EIF4E3: variants seen among roughly 807,000 people sequenced by gnomAD.
EIF4E3 encodes the protein eukaryotic translation initiation factor 4E family member 3, also known as eukaryotic translation initiation factor 4E type 3.
Under a neutral mutation model 31.7 loss-of-function variants are expected in EIF4E3, and 26 were observed. The observed-to-expected ratio is 0.82, with a 90% confidence interval of 0.60 to 1.14. The LOEUF is 1.14. Ranked by LOEUF, EIF4E3 falls within the 50% of genes most tolerant of loss-of-function variation. EIF4E3 has a pLI of 0.00. For synonymous variants in EIF4E3, 128 were observed against 107.7 expected, an observed-to-expected ratio of 1.19 and a Z score of -1.17; for missense variants, 304 against 270.9, an observed-to-expected ratio of 1.12 and a Z score of -0.86.
rs144748501 is a variant in EIF4E3 at position 71,682,692 on chromosome 3, T to C, written c.*1990A>G. ...AAATCTACTTTGTGTGCTAGTCATG[T>C]TCCATGATCATAAACAGAAACTAGA... On this transcript the variant is annotated 3_prime_UTR_variant, in exon 7 of 7. Coordinates refer to ENST00000425534, the MANE Select transcript of EIF4E3 (RefSeq NM_001134651.2). 3.6e-4 allele frequency: 55 copies of C among 152,790 alleles called. No individual in the cohort carries two copies. Among genetic ancestry groups the C allele is most frequent in the African/African-American group, 1.3e-3 (52 of 41,576 alleles). The allele number at this position is 152,790 out of a possible 1,614,324, so 9.5% of individuals were successfully genotyped here.
At chr3:71,726,039 G>C (rs1019344229), upstream of EIF4E3, among the ~76,000 whole-genome samples, 1 of 152,160 alleles carries the variant, frequency 6.6e-6, no homozygotes, top group African/African-American at 2.4e-5. Context: ...GAACGAACAA[G>C]AGAACCACCG....
In EIF4E3 at chr3:71,725,162, C is replaced by T; in HGVS notation, c.176+30G>A. On this transcript the variant is annotated intron_variant, in intron 1 of 6. Transcript: ENST00000425534. The surrounding 1 kb of genome is among the most constrained non-coding windows in gnomAD (Gnocchi z 6.1). ...GGTGGCGGCAGGACCCGGGTCGGGG[C>T]CGTGCGCGGCGGGCCCCGCGCCCCC... 1 of 1,068,644 alleles carries T rather than the reference C, an allele frequency of 9.4e-7. No individual in the cohort carries two copies. Among genetic ancestry groups the T allele is most frequent in the Non-Finnish European group, 1.1e-6 (1 of 886,406 alleles). 66.2% of individuals were successfully genotyped at this position (1,068,644 alleles called of 1,614,324 possible). A position where few individuals can be genotyped will look rare whatever the true frequency, so the allele number is the denominator to read the frequency against.
At chr3:71,690,672 T>C (rs772613587) in intron 5 of EIF4E3, among the ~76,000 whole-genome samples, 5 of 152,228 alleles carry the variant, frequency 3.3e-5, no homozygotes, top group African/African-American at 7.2e-5. Context: ...TGGAGCCAGA[T>C]TGTGCATTCT....
At chr3:71,687,282 G>A (rs1040088667) in intron 6 of EIF4E3, among the ~76,000 whole-genome samples, 7 of 152,238 alleles carry the variant, frequency 4.6e-5, no homozygotes, top group African/African-American at 4.8e-5. Context: ...GATTACAGGC[G>A]TGAGCCACCA....
Position 71,731,437 on chromosome 3 carries a change from C to T in EIF4E3, c.-290-2814G>A, listed in dbSNP as rs960287340. 2.7e-4 allele frequency among the ~76,000 whole-genome samples: 41 copies of T among 152,164 alleles called. 1 individual carries two copies. The highest frequency in any genetic ancestry group is 2.9e-5 in the Non-Finnish European group (2 of 68,034). On this transcript the variant is annotated intron_variant, in intron 1 of 7. Transcript: ENST00000295612. Reference sequence around the variant, plus strand: ...AGGCCTCCACTCTAAAGCAGGTCTTCTCCCCTTCCTCATTATTTTTTTCAG... The same window carrying T: ...AGGCCTCCACTCTAAAGCAGGTCTTTTCCCCTTCCTCATTATTTTTTTCAG...
intron 1 of EIF4E3, among the ~76,000 whole-genome samples, chr3:71,751,401 CAT>C (rs1474088049): frequency 5.3e-5 from 8 of 152,202 alleles, no homozygotes; most frequent in Non-Finnish European, 7.3e-5. Context: ...TTAAATAACA[CAT>C]GTCGAGAATT....
In EIF4E3 at chr3:71,688,230, A is replaced by G. The variant is rs148682704; in HGVS notation, c.628+1780T>C. 4.0e-3 allele frequency among the ~76,000 whole-genome samples: 605 copies of G among 152,304 alleles called. 4 individuals are homozygous for G. The highest frequency in any genetic ancestry group is 0.014 in the African/African-American group (586 of 41,558). On this transcript the variant is annotated intron_variant, in intron 6 of 6. Transcript: ENST00000425534. ...CTTTTTTCTTTCCCAGAGCCATCAC[A>G]ACAGCTAAGCAGTGAATCATCCTGC...
upstream of EIF4E3, chr3:71,754,194 C>T (rs2108174319): frequency 1.4e-6 from 2 of 1,420,142 alleles, no homozygotes; most frequent in East Asian, 3.1e-5. The surrounding 1 kb of genome is among the most constrained non-coding windows in gnomAD (Gnocchi z 5.8). Context: ...GGAGCGCAGC[C>T]TGCACCGCGC....
intron 2 of EIF4E3, among the ~76,000 whole-genome samples, chr3:71,707,713 T>C (rs1192724723): frequency 6.6e-6 from 1 of 152,078 alleles, no homozygotes; most frequent in Admixed American, 6.6e-5. Context: ...TGGACATCTA[T>C]GCTTTGTACG....
rs2048900492 is a variant in EIF4E3, at chr3:71,679,636, T to C, written c.*5046A>G. ...AATGATGAACAAAAAAATACTGACT[T>C]TGCAATGACTTTTGCTTATCACTCA... On this transcript the variant is annotated 3_prime_UTR_variant, in exon 7 of 7. Coordinates refer to ENST00000425534, the MANE Select transcript of EIF4E3 (RefSeq NM_001134651.2). The C allele has an allele frequency of 6.6e-6, 1 of 152,180 alleles. No homozygotes were observed. The highest frequency in any genetic ancestry group is 2.1e-4 in the South Asian group (1 of 4,830). The allele number at this position is 152,180 out of a possible 1,614,324, so 9.4% of individuals were successfully genotyped here.
At chr3:71,708,140 C>T (rs540668253) in intron 2 of EIF4E3, among the ~76,000 whole-genome samples, 2 of 152,224 alleles carry the variant, frequency 1.3e-5, no homozygotes, top group Admixed American at 6.5e-5. Context: ...TCCCAAAGTG[C>T]GGGGATTACA....
At chr3:71,703,804 C>T (rs2049251331) in intron 2 of EIF4E3, among the ~76,000 whole-genome samples, 1 of 85,752 alleles carries the variant, frequency 1.2e-5, no homozygotes, top group Non-Finnish European at 2.2e-5. Flanking sequence ...ACCCAGCAAA[C>T]ACACATCAAA....
At chr3:71,749,308 T>G (rs956900884) in intron 1 of EIF4E3, among the ~76,000 whole-genome samples, 6 of 152,258 alleles carry the variant, frequency 3.9e-5, no homozygotes, top group Admixed American at 2.0e-4. Context: ...AAACTGGACA[T>G]GAACCAGAGT....
chr3:71,749,497 G>A (rs2108164370), intron 1 of EIF4E3, among the ~76,000 whole-genome samples: 1 of 152,282 alleles, frequency 6.6e-6, no homozygotes, highest in South Asian at 2.1e-4. Context: ...GGTGTTTAAT[G>A]TACCTATTGG....
intron 1 of EIF4E3, among the ~76,000 whole-genome samples, chr3:71,712,599 C>T (rs947752979): frequency 4.5e-5 from 5 of 111,118 alleles, no homozygotes; most frequent in Non-Finnish European, 5.0e-5. Context: ...AGAGTATATA[C>T]AGGGCTTCTT....
upstream of EIF4E3, among the ~76,000 whole-genome samples, chr3:71,726,536 T>A (rs1352335716): frequency 6.6e-6 from 1 of 152,210 alleles, no homozygotes; most frequent in Non-Finnish European, 1.5e-5. Context: ...CTTTGAACAG[T>A]GAAGGGCGTG....
At chr3:71,706,199 C>A (rs796350757) in intron 2 of EIF4E3, among the ~76,000 whole-genome samples, 1 of 152,034 alleles carries the variant, frequency 6.6e-6, no homozygotes, top group East Asian at 1.9e-4. Flanking sequence ...TCCTCAATCA[C>A]GGGGAGTAAA....
At chr3:71,752,707 A>C (rs1378649025) in intron 1 of EIF4E3, among the ~76,000 whole-genome samples, 1 of 152,252 alleles carries the variant, frequency 6.6e-6, no homozygotes, top group Non-Finnish European at 1.5e-5. Context: ...ATTTTTAAAA[A>C]GAAATGAAAG....
chr3:71,725,215 C>T lies in EIF4E3; in HGVS notation c.153G>A (p.Ser51=). The change falls in exon 1 of 7, where the codon TCG becomes TCA. Residue 51 remains serine, a synonymous_variant. Transcript: ENST00000425534. This position sits in a 1 kb window ranked among gnomAD's most constrained non-coding sequence, Gnocchi z 6.1. The part of the protein sequence containing the change: ...QPEPGGVPLH[S]SWTFWLDRSL... ...ACCTGTCGAGCCAGAAGGTCCAGGACGAGTGCAGCGGGACCCCGCCCGGCT... is the reference window on the plus strand; with the variant it reads ...ACCTGTCGAGCCAGAAGGTCCAGGATGAGTGCAGCGGGACCCCGCCCGGCT... 1.8e-6 allele frequency: 2 copies of T among 1,142,046 alleles called. No individual in the cohort carries two copies. The highest frequency in any genetic ancestry group is 2.3e-5 in the South Asian group (1 of 43,952). The allele number at this position is 1,142,046 out of a possible 1,614,324, so 70.7% of individuals were successfully genotyped here.
Sources: allele counts gnomAD v4.1 joint callset (sites outside exome capture counted in the v4.1 genomes callset), GRCh38; gene constraint gnomAD v4.1.1; non-coding constraint Gnocchi (gnomAD v3.1); transcripts MANE v1.5; gene names NCBI Gene and HGNC (gene_info 2026-07-23, HGNC 2026-07-21).